Variants in TAOK1 observed in about 807,000 individuals in gnomAD.
The protein encoded by TAOK1 is TAO kinase 1.
In TAOK1, 21 loss-of-function variants were observed where a neutral mutation model predicts 138.3. The observed-to-expected ratio is 0.15, with a 90% CI of 0.11 to 0.22. The LOEUF (loss-of-function observed/expected upper bound fraction) is 0.22, where lower values mean the gene tolerates loss of function less well. TAOK1 is among the 10% of genes least tolerant of loss of function. The pLI is 1.00. For synonymous variants in TAOK1, 361 were observed against 398.4 expected (o/e 0.91, Z 1.12); for missense variants, 651 against 1,227.7 (o/e 0.53, Z 7.02).
chr17:29,542,502 T>G, intron 19 of TAOK1, 59 bp from the exon 20 acceptor site: 1 of 1,448,246 alleles, frequency 6.9e-7, no homozygotes, highest in Non-Finnish European at 9.3e-7. Flanking sequence ...TATTGCTTCC[T>G]TTCTTTATAG....
chr17:29,537,271 T>C (rs548119032), intron 19 of TAOK1, among the ~76,000 whole-genome samples: 3 of 152,298 alleles, frequency 2.0e-5, no homozygotes, highest in Admixed American at 1.3e-4. Context: ...CAGTACTCAT[T>C]GGTGAAGGTA....
intron 3 of TAOK1, among the ~76,000 whole-genome samples, chr17:29,473,369 C>G (rs979256412): frequency 1.3e-5 from 2 of 152,164 alleles, no homozygotes; most frequent in African/African-American, 4.8e-5. Flanking sequence ...GGCATGGTGG[C>G]TCACACCTGT....
chr17:29,442,358 C>T (rs1435038324), intron 1 of TAOK1, among the ~76,000 whole-genome samples: 1 of 150,354 alleles, frequency 6.7e-6, no homozygotes, highest in Non-Finnish European at 1.5e-5. Flanking sequence ...CACCCAGCCA[C>T]TTTTTCTCTT....
At chr17:29,426,323 A>G (rs982910661) in intron 1 of TAOK1, among the ~76,000 whole-genome samples, 10 of 152,372 alleles carry the variant, frequency 6.6e-5, no homozygotes, top group Admixed American at 6.5e-4. Flanking sequence ...AAATCAATGG[A>G]GAAAATAAAT....
chr17:29,404,127 T>TG (rs1375993258), intron 1 of TAOK1: 2 of 151,990 alleles, frequency 1.3e-5, no homozygotes, highest in African/African-American at 4.8e-5. Flanking sequence ...TCTGTGTGTG[T>TG]GTGGGGGGGG....
At chr17:29,488,923 C>A (rs906397614) in intron 8 of TAOK1, among the ~76,000 whole-genome samples, 2 of 152,008 alleles carry the variant, frequency 1.3e-5, no homozygotes, top group African/African-American at 4.8e-5. Flanking sequence ...AATTTTCTGT[C>A]AATAAGTTTG....
At chr17:29,538,684 T>G (rs1378325624) in intron 19 of TAOK1, among the ~76,000 whole-genome samples, 1 of 152,254 alleles carries the variant, frequency 6.6e-6, no homozygotes, top group East Asian at 1.9e-4. Flanking sequence ...TGAAGATTGT[T>G]GTAAGTCTCC....
chr17:29,464,822 CT>C (rs547368498), intron 2 of TAOK1, among the ~76,000 whole-genome samples: 6,301 of 132,046 alleles, frequency 0.048, 256 homozygotes, highest in African/African-American at 0.13. Context: ...TAAGCTCTGT[CT>C]TTTTTTTTTT....
At chr17:29,509,087 A>G (rs1446435785) in intron 14 of TAOK1, among the ~76,000 whole-genome samples, 1 of 152,166 alleles carries the variant, frequency 6.6e-6, no homozygotes, top group Non-Finnish European at 1.5e-5. Flanking sequence ...TACATACTTG[A>G]TTTTGAAATA....
intron 11 of TAOK1, among the ~76,000 whole-genome samples, chr17:29,497,714 CAAA>C (rs373537264): frequency 2.0e-5 from 2 of 100,720 alleles, no homozygotes; most frequent in Non-Finnish European, 4.1e-5. Flanking sequence ...TATTGAAATA[CAAA>C]AAAAAAAAAA....
chr17:29,522,483 T>G lies in TAOK1; in HGVS notation c.2112T>G (p.His704Gln). 6.2e-7 allele frequency: 1 copy of G among 1,614,160 alleles called. No individual in the cohort carries two copies. Among genetic ancestry groups the G allele is most frequent in the Non-Finnish European group, 8.5e-7 (1 of 1,180,036 alleles). The change falls in exon 17 of 20, where the codon CAT (histidine) becomes CAG (glutamine). Residue 704 changes from histidine to glutamine, a missense_variant. This residue lies in a region of TAOK1 where 258 missense variants were observed against 548.9 expected (regional missense o/e 0.47). Transcript: ENST00000261716. ...KRRERELRRK[H>Q]VMEVRQQPKS... ...GAGAACGAGAACTAAGACGAAAGCATGTCATGGAAGTTCGACAACAGCCTA... is the reference window on the plus strand; with the variant it reads ...GAGAACGAGAACTAAGACGAAAGCAGGTCATGGAAGTTCGACAACAGCCTA...
chr17:29,420,340 A>ATTT (rs1290161152), intron 1 of TAOK1, among the ~76,000 whole-genome samples: 2 of 151,940 alleles, frequency 1.3e-5, no homozygotes, highest in African/African-American at 4.8e-5. Context: ...ACCATAATTG[A>ATTT]TTTTTTTGAT....
At chr17:29,413,655 G>T (rs1021081783) in intron 1 of TAOK1, among the ~76,000 whole-genome samples, 8 of 152,060 alleles carry the variant, frequency 5.3e-5, no homozygotes, top group African/African-American at 1.9e-4. Flanking sequence ...GTGGCATTTA[G>T]TACATTCACA....
At chr17:29,410,495 C>T (rs939756960) in intron 1 of TAOK1, among the ~76,000 whole-genome samples, 25 of 151,932 alleles carry the variant, frequency 1.6e-4, no homozygotes, top group Admixed American at 1.2e-3. Context: ...TCAGGTGATC[C>T]GCCCGCCTCG....
chr17:29,445,541 AATGG>A (rs2030056794), intron 1 of TAOK1: 1 of 152,174 alleles, frequency 6.6e-6, no homozygotes. Context: ...TTTTATCATG[AATGG>A]ATGTTATCAA....
At position 29,543,137 on chromosome 17, in the gene TAOK1, A is replaced by G. The variant is rs1395944123; in HGVS notation, c.*115A>G. ...ACTACAGTGTGGAAGCTGAGTGCAT[A>G]TGGTATATTTTATTCATTTTTGTAA... On this transcript the variant is annotated 3_prime_UTR_variant, in exon 20 of 20. Coordinates refer to ENST00000261716, the MANE Select transcript of TAOK1 (RefSeq NM_020791.4). 1 of 848,750 alleles carries G rather than the reference A, an allele frequency of 1.2e-6. No individual in the cohort carries two copies. The highest frequency in any genetic ancestry group is 2.3e-5 in the South Asian group (1 of 43,444). 52.6% of individuals were successfully genotyped at this position (848,750 alleles called of 1,614,324 possible). A position where few individuals can be genotyped will look rare whatever the true frequency, so the allele number is the denominator to read the frequency against.
At chr17:29,515,271 C>CA (rs2031795049) in intron 15 of TAOK1, among the ~76,000 whole-genome samples, 1 of 151,952 alleles carries the variant, frequency 6.6e-6, no homozygotes, top group South Asian at 2.1e-4. Flanking sequence ...ATAATTTTGC[C>CA]AAAAACTTAG....
intron 2 of TAOK1, among the ~76,000 whole-genome samples, chr17:29,454,139 G>A (rs910846773): frequency 2.0e-5 from 3 of 152,008 alleles, no homozygotes; most frequent in African/African-American, 2.4e-5. Context: ...TTTTGTGTGG[G>A]TAAATCTAGT....
chr17:29,390,642 C>G lies in TAOK1; in HGVS notation c.-477C>G, dbSNP rs1040812904. The G allele has an allele frequency of 4.6e-5, 7 of 152,050 alleles. No individual in the cohort carries two copies. Among genetic ancestry groups the G allele is most frequent in the African/African-American group, 1.5e-4 (6 of 41,332 alleles). 9.4% of individuals were successfully genotyped at this position (152,050 alleles called of 1,614,324 possible). On this transcript the variant is annotated 5_prime_UTR_variant, in exon 1 of 20. Transcript: ENST00000261716. ...TGGTGGCGGAGGGCTGCGCGTGGGC[C>G]CGCCCGCCGAGGGGCCGCGGCGGGG...
Sources: gnomAD v4.1 joint callset for allele counts (sites outside exome capture counted in the v4.1 genomes callset) on GRCh38, gnomAD v4.1.1 for gene constraint, gnomAD v4.1.1 regional missense constraint, MANE v1.5 for transcripts, NCBI Gene and HGNC (gene_info 2026-07-23, HGNC 2026-07-21) for gene names.